UNC13C: variants seen among roughly 807,000 people sequenced by gnomAD.
UNC13C encodes the protein protein unc-13 homolog C.
In UNC13C, 174 loss-of-function variants were observed where a neutral mutation model predicts 245.4. The observed-to-expected ratio is 0.71, with a 90% confidence interval of 0.63 to 0.80. The LOEUF is 0.80. Among genes scored for constraint, UNC13C ranks in the 30% least tolerant of loss-of-function variants. The probability of loss-of-function intolerance (pLI) is 0.00; values close to 1 mark genes in which losing one functional copy is unlikely to be tolerated. For missense variants in UNC13C, 2,829 were observed against 2,602.9 expected, an observed-to-expected ratio of 1.09 and a Z score of -1.89; for synonymous variants, 992 against 895.1, an observed-to-expected ratio of 1.11 and a Z score of -1.93.
At chr15:54,095,788 G>A (rs1045747267) in intron 2 of UNC13C, among the ~76,000 whole-genome samples, 6 of 152,156 alleles carry the variant, frequency 3.9e-5, no homozygotes, top group Admixed American at 2.0e-4. Flanking sequence ...CCACTATTAG[G>A]TTCAAGACAT....
the UNC13C span, among the ~76,000 whole-genome samples, chr15:53,906,459 C>T: frequency 6.6e-6 from 1 of 152,310 alleles, no homozygotes; most frequent in African/African-American, 2.4e-5. Flanking sequence ...ACAATATGTG[C>T]ATAGGTAGCA....
At chr15:54,274,666 A>ATTTTT (rs1567151983) in intron 10 of UNC13C, among the ~76,000 whole-genome samples, 7 of 78,260 alleles carry the variant, frequency 8.9e-5, no homozygotes, top group South Asian at 4.1e-4. Flanking sequence ...AATAAAGTAG[A>ATTTTT]CTTTTTTTTT....
the UNC13C span, among the ~76,000 whole-genome samples, chr15:53,928,361 C>G: frequency 1.1e-4 from 17 of 152,342 alleles, no homozygotes; most frequent in East Asian, 1.7e-3. Context: ...ATACAGATCT[C>G]TCATGTTATT....
chr15:53,968,405 A>G, the UNC13C span, among the ~76,000 whole-genome samples: 1 of 152,266 alleles, frequency 6.6e-6, no homozygotes, highest in South Asian at 2.1e-4. Flanking sequence ...ACTATTAAGA[A>G]CCACAGAAAT....
At chr15:54,442,603 A>G (rs556133126) in intron 19 of UNC13C, among the ~76,000 whole-genome samples, 1 of 152,142 alleles carries the variant, frequency 6.6e-6, no homozygotes, top group South Asian at 2.1e-4. Flanking sequence ...AGTCCTTATT[A>G]TGTTGAGTTA....
At chr15:53,870,749 T>C in the UNC13C span, among the ~76,000 whole-genome samples, 1 of 152,156 alleles carries the variant, frequency 6.6e-6, no homozygotes, top group Admixed American at 6.5e-5. Context: ...GATTTTTATT[T>C]TACCAATAAG....
At chr15:54,617,824 A>G (rs1900543285) in intron 30 of UNC13C, among the ~76,000 whole-genome samples, 1 of 152,076 alleles carries the variant, frequency 6.6e-6, no homozygotes. Context: ...CCTGGACCTG[A>G]AGATGGAGGA....
intron 18 of UNC13C, among the ~76,000 whole-genome samples, chr15:54,393,954 C>A (rs1350280186): frequency 1.3e-5 from 2 of 151,878 alleles, no homozygotes; most frequent in African/African-American, 4.8e-5. Flanking sequence ...TAGGCACTTG[C>A]AGTCTGGTTA....
At chr15:54,334,587 G>T (rs1301815433) in intron 16 of UNC13C, among the ~76,000 whole-genome samples, 1 of 151,894 alleles carries the variant, frequency 6.6e-6, no homozygotes, top group Admixed American at 6.6e-5. Context: ...TCTAAAAATG[G>T]CATTTTGTAA....
intron 19 of UNC13C, chr15:54,417,152 G>T: frequency 8.5e-6 from 3 of 352,304 alleles, no homozygotes; most frequent in South Asian, 6.4e-5. Context: ...TTTTGTCTAT[G>T]ACTTTTACCA....
At chr15:53,868,773 A>G in the UNC13C span, among the ~76,000 whole-genome samples, 94,836 of 151,984 alleles carry the variant, frequency 0.62, 29,638 homozygotes, top group East Asian at 0.68. Flanking sequence ...ACTCAGAGGT[A>G]TGGAGATGTC....
intron 30 of UNC13C, among the ~76,000 whole-genome samples, chr15:54,617,176 T>C (rs770492730): frequency 1.2e-4 from 18 of 152,000 alleles, no homozygotes; most frequent in African/African-American, 3.4e-4. Flanking sequence ...CTGTAGAGTT[T>C]AGTGAAGTGA....
intron 14 of UNC13C, among the ~76,000 whole-genome samples, chr15:54,329,080 A>AGTTT (rs1430034646): frequency 8.7e-5 from 5 of 57,350 alleles, no homozygotes; most frequent in Non-Finnish European, 1.6e-4. Flanking sequence ...AATTAAACCA[A>AGTTT]GTTTTTTTTT....
intron 4 of UNC13C, among the ~76,000 whole-genome samples, chr15:54,215,926 T>A (rs1055718821): frequency 2.0e-5 from 3 of 151,956 alleles, no homozygotes; most frequent in African/African-American, 7.2e-5. Context: ...ATGCAGCCAT[T>A]TTGTCCAACA....
intron 10 of UNC13C, among the ~76,000 whole-genome samples, chr15:54,273,063 G>C (rs571319619): frequency 6.6e-6 from 1 of 152,160 alleles, no homozygotes; most frequent in Non-Finnish European, 1.5e-5. Context: ...GGTACAAACA[G>C]CAATCTTTGT....
chr15:54,492,984 C>G (rs1023238010), intron 19 of UNC13C, among the ~76,000 whole-genome samples: 1 of 152,108 alleles, frequency 6.6e-6, no homozygotes, highest in East Asian at 1.9e-4. Context: ...TTGTTCTGTG[C>G]CAGCACCAAG....
intron 19 of UNC13C, among the ~76,000 whole-genome samples, chr15:54,428,875 C>CT (rs1470574003): frequency 6.6e-6 from 1 of 151,710 alleles, no homozygotes; most frequent in Non-Finnish European, 1.5e-5. Context: ...CTGCCCCACC[C>CT]TTTCTCGGAT....
At chr15:54,552,638 T>G (rs1403277782) in intron 28 of UNC13C, among the ~76,000 whole-genome samples, 1 of 75,482 alleles carries the variant, frequency 1.3e-5, no homozygotes, top group South Asian at 4.1e-4. Flanking sequence ...TTGTACAATA[T>G]AATATAATTA....
At chr15:54,486,178 G>T (rs549077537) in intron 19 of UNC13C, among the ~76,000 whole-genome samples, 1 of 151,650 alleles carries the variant, frequency 6.6e-6, no homozygotes, top group Non-Finnish European at 1.5e-5. Flanking sequence ...GGGAAGCTGA[G>T]GTGGCCGCAT....
Sources: gnomAD v4.1 joint callset for allele counts (sites outside exome capture counted in the v4.1 genomes callset) on GRCh38, gnomAD v4.1.1 for gene constraint, MANE v1.5 for transcripts, NCBI Gene and HGNC (gene_info 2026-07-23, HGNC 2026-07-21) for gene names.